HIPK2: variants seen among roughly 807,000 people sequenced by gnomAD.
The protein encoded by HIPK2 is homeodomain interacting protein kinase 2.
HIPK2 carries 27 observed loss-of-function variants against 113.7 expected under a neutral mutation model. The ratio of observed to expected loss-of-function variants is 0.24; its 90% CI spans 0.17 to 0.33. HIPK2 has a LOEUF of 0.33. Ranked by LOEUF, HIPK2 falls within the 10% of genes least tolerant of loss-of-function variation. HIPK2 has a pLI of 1.00. For missense variants in HIPK2, 1,257 were observed against 1,588.0 expected (o/e 0.79, Z 3.54); for synonymous variants, 631 against 642.2 (o/e 0.98, Z 0.26).
intron 1 of HIPK2, among the ~76,000 whole-genome samples, chr7:139,761,632 CAAT>C (rs1257261183): frequency 6.6e-6 from 1 of 152,120 alleles, no homozygotes; most frequent in African/African-American, 2.4e-5. Context: ...TCTGCTGCTT[CAAT>C]AAGAGACTGT....
Position 139,574,403 on chromosome 7 carries a change from G to A in HIPK2, c.3126+725C>T, listed in dbSNP as rs185188110. On this transcript the variant is annotated intron_variant, in intron 14 of 14. Coordinates refer to ENST00000406875, the MANE Select transcript of HIPK2 (RefSeq NM_022740.5). The stretch of plus-strand genomic sequence containing the variant: ...AAAAAAAAAGTTGGCTCTCAGAAGC[G>A]TTGCTGTTTGAAGTTCTGTCAGTCC... 1.4e-3 allele frequency among the ~76,000 whole-genome samples: 212 copies of A among 152,174 alleles called. 1 individual carries two copies. The highest frequency in any genetic ancestry group is 4.9e-3 in the African/African-American group (203 of 41,538).
chr7:139,620,607 G>A, intron 6 of HIPK2, 44 bp from the exon 7 acceptor site: 1 of 1,605,688 alleles, frequency 6.2e-7, no homozygotes, highest in Non-Finnish European at 8.5e-7. Flanking sequence ...ATAAGGGGAG[G>A]GGAAGAGGGT....
At position 139,584,038 on chromosome 7, in the gene HIPK2, A is replaced by T. The variant is rs749766167; in HGVS notation, c.2744T>A (p.Val915Asp). The T allele has an allele frequency of 6.2e-7, 1 of 1,600,926 alleles. No homozygotes were observed. Among genetic ancestry groups the T allele is most frequent in the Non-Finnish European group, 8.5e-7 (1 of 1,172,066 alleles). The part of the protein sequence containing the change: ...TSTVSKQRKN[V>D]ISCVTVHDSP... ...GTCGTGGACTGTGACACAGCTGATG[A>T]CGTTTTTTCTTTGCTTGGAGACAGT... is the stretch of plus-strand genomic sequence containing the variant. Residue 915 changes from valine (V) to aspartate (D), a missense_variant, in exon 13 of 15, where the codon GTC becomes GAC. Coordinates refer to ENST00000406875, the MANE Select transcript of HIPK2 (RefSeq NM_022740.5).
chr7:139,617,542 G>A, intron 7 of HIPK2, among the ~76,000 whole-genome samples: 1 of 152,234 alleles, frequency 6.6e-6, no homozygotes, highest in East Asian at 1.9e-4. Flanking sequence ...CCACGGAAAT[G>A]TTAGAGAAGT....
At chr7:139,614,194 T>A (rs981322057) in intron 8 of HIPK2, 92 bp downstream of exon 8, 13 of 1,168,468 alleles carry the variant, frequency 1.1e-5, no homozygotes, top group Non-Finnish European at 1.5e-5. Flanking sequence ...CCTTTCTCCA[T>A]GAAAATGAGC....
intron 2 of HIPK2, among the ~76,000 whole-genome samples, chr7:139,636,170 G>A (rs1325448820): frequency 6.6e-6 from 1 of 152,098 alleles, no homozygotes; most frequent in Non-Finnish European, 1.5e-5. Context: ...TCACGCGGGT[G>A]ATCATTCCTT....
chr7:139,754,547 AAGTGTGTGAGAGAGACAGAG>A (rs1214441639), intron 1 of HIPK2, among the ~76,000 whole-genome samples: 2 of 152,254 alleles, frequency 1.3e-5, no homozygotes, highest in African/African-American at 2.4e-5. Context: ...TAGAAAAGCT[AAGTGTGTGAGAGAGACAGAG>A]AGTGTGTGTG....
intron 2 of HIPK2, among the ~76,000 whole-genome samples, chr7:139,681,454 C>T (rs943358024): frequency 1.3e-5 from 2 of 152,108 alleles, no homozygotes; most frequent in Non-Finnish European, 2.9e-5. Flanking sequence ...AAGCACAAAC[C>T]CAATTCCAAA....
intron 2 of HIPK2, among the ~76,000 whole-genome samples, chr7:139,689,591 C>T (rs1794337632): frequency 6.6e-6 from 1 of 152,140 alleles, no homozygotes; most frequent in South Asian, 2.1e-4. Context: ...ACTGGGTCTG[C>T]TATGGGGGAG....
intron 1 of HIPK2, among the ~76,000 whole-genome samples, chr7:139,766,427 CACAGGTCCAAGTGCTGT>C (rs1409542804): frequency 1.3e-5 from 2 of 152,286 alleles, no homozygotes; most frequent in East Asian, 3.9e-4. Flanking sequence ...ACATGCCAGC[CACAGGTCCAAGTGCTGT>C]ACATTCACCA....
At chr7:139,693,063 GAACAGAGACC>G (rs60453494) in intron 2 of HIPK2, among the ~76,000 whole-genome samples, 20,360 of 152,142 alleles carry the variant, frequency 0.13, 1,543 homozygotes, top group Non-Finnish European at 0.18. Flanking sequence ...ACCCCAAGAG[GAACAGAGACC>G]AACCACTGTG....
intron 14 of HIPK2, among the ~76,000 whole-genome samples, chr7:139,574,720 G>A (rs1798429821): frequency 6.6e-6 from 1 of 152,208 alleles, no homozygotes; most frequent in Admixed American, 6.5e-5. Flanking sequence ...TTGACTTGGG[G>A]GCTGTGGTGT....
intron 2 of HIPK2, among the ~76,000 whole-genome samples, chr7:139,675,082 T>C (rs1427277711): frequency 3.3e-5 from 5 of 152,340 alleles, no homozygotes; most frequent in East Asian, 1.9e-4. Flanking sequence ...ATGGGTTTAA[T>C]TGCTTGATCC....
Position 139,631,577 on chromosome 7 carries a change from GA to G in HIPK2, c.1227+24del. On this transcript the variant is annotated intron_variant, in intron 3 of 14. Transcript: ENST00000406875. The surrounding 1 kb of genome is among the most constrained non-coding windows in gnomAD (Gnocchi z 4.9). ...TTCCAGATGAAGAATGAGGTCTTGT[GA>G]ATATCTGTGTCATCTGGACCCACCT... 6.2e-7 allele frequency: 1 copy of G among 1,607,166 alleles called. No homozygotes were observed. Among genetic ancestry groups the G allele is most frequent in the Non-Finnish European group, 8.5e-7 (1 of 1,177,330 alleles).
chr7:139,662,572 G>C (rs9690319), intron 2 of HIPK2, among the ~76,000 whole-genome samples: 58,445 of 150,822 alleles, frequency 0.39, 12,160 homozygotes, highest in East Asian at 0.55. Flanking sequence ...GTCCCTAGCT[G>C]TCTCTCCTGT....
chr7:139,684,793 C>T (rs1011703774), intron 2 of HIPK2, among the ~76,000 whole-genome samples: 1 of 152,186 alleles, frequency 6.6e-6, no homozygotes, highest in Admixed American at 6.5e-5. Flanking sequence ...GCAAAGAAAA[C>T]ATTCTTGAAA....
chr7:139,700,603 A>C (rs1261873610), intron 2 of HIPK2, among the ~76,000 whole-genome samples: 1 of 152,040 alleles, frequency 6.6e-6, no homozygotes, highest in African/African-American at 2.4e-5. Flanking sequence ...TTTACAGTTA[A>C]CCCTCCCACT....
In HIPK2 at chr7:139,620,519, A is replaced by C. The variant is rs746947115; in HGVS notation, c.1664T>G (p.Val555Gly). 6.2e-7 allele frequency: 1 copy of C among 1,613,722 alleles called. No homozygotes were observed. The highest frequency in any genetic ancestry group is 8.5e-7 in the Non-Finnish European group (1 of 1,179,988). The change falls in exon 7 of 15, where the codon GTG (valine) becomes GGG (glycine). Residue 555 changes from valine to glycine, a missense_variant. This residue lies in a region of HIPK2 where 862 missense variants were observed against 1,004.3 expected (regional missense o/e 0.86). Coordinates refer to ENST00000406875, the MANE Select transcript of HIPK2 (RefSeq NM_022740.5). ...CTGGTTCACCGTGTCATACATATTC[A>C]CCCGACGCTTGCAGATCTCCATGTT... ...FQNMEICKRR[V>G]NMYDTVNQSK...
At position 139,631,984 on chromosome 7, in the gene HIPK2, C is replaced by A. The variant is rs538524490; in HGVS notation, c.1104-259G>T. ...TTTAGAACACACCTACAGAGAACCA[C>A]GTCTACTGACTTCATTACCTTCACA... On this transcript the variant is annotated intron_variant, in intron 2 of 14. Coordinates refer to ENST00000406875, the MANE Select transcript of HIPK2 (RefSeq NM_022740.5). The surrounding 1 kb of genome is among the most constrained non-coding windows in gnomAD (Gnocchi z 4.9). Among the ~76,000 whole-genome samples, 4 of 152,322 alleles carry A rather than the reference C, an allele frequency of 2.6e-5. No individual in the cohort carries two copies. Among genetic ancestry groups the A allele is most frequent in the African/African-American group, 9.6e-5 (4 of 41,560 alleles).
Sources: allele counts gnomAD v4.1 joint callset (sites outside exome capture counted in the v4.1 genomes callset), GRCh38; gene constraint gnomAD v4.1.1; regional missense constraint gnomAD v4.1.1; non-coding constraint Gnocchi (gnomAD v3.1); transcripts MANE v1.5; gene names NCBI Gene and HGNC (gene_info 2026-07-23, HGNC 2026-07-21).